KANK1: variants seen among roughly 807,000 people sequenced by gnomAD.
KANK1 encodes the protein KN motif and ankyrin repeat domain-containing protein 1.
In KANK1, 109 loss-of-function variants were observed where a neutral mutation model predicts 106.2. That is an observed-to-expected ratio of 1.03 (90% CI 0.88 to 1.20). The LOEUF (loss-of-function observed/expected upper bound fraction) is 1.20. KANK1 is among the 50% of genes most tolerant of loss of function. The pLI is 0.00. For synonymous variants in KANK1, 873 were observed against 652.2 expected (o/e 1.34, Z -5.16); for missense variants, 2,399 against 1,710.7 (o/e 1.40, Z -7.10).
At position 730,253 on chromosome 9, in the gene KANK1, CT is replaced by C. The variant is rs754421671; in HGVS notation, c.2896+9del. ...AGATCGCCGCTGGCCTCTATGGTAA[CT>C]TTTCTCACTCACAGTCATTGGCATC... On this transcript the variant is annotated splice_donor_region_variant and intron_variant, in intron 4 of 11. Coordinates refer to ENST00000382297, the MANE Select transcript of KANK1 (RefSeq NM_015158.5). 8 of 1,613,970 alleles carry C rather than the reference CT, an allele frequency of 5.0e-6. No individual in the cohort carries two copies. In the Admixed American group the frequency reaches 6.7e-5, roughly 13 times the overall value.
intron 1 of KANK1, among the ~76,000 whole-genome samples, chr9:663,398 G>T (rs887463308): frequency 3.9e-4 from 60 of 152,136 alleles, no homozygotes; most frequent in African/African-American, 1.4e-3. Flanking sequence ...GCCAGGGTCT[G>T]TTTTCCCTAA....
intron 3 of KANK1, among the ~76,000 whole-genome samples, chr9:481,835 C>A (rs937108914): frequency 3.4e-5 from 5 of 148,144 alleles, no homozygotes; most frequent in South Asian, 2.2e-4. Flanking sequence ...CAAAGCAAGA[C>A]CCTGTCTCTA....
intron 2 of KANK1, among the ~76,000 whole-genome samples, chr9:701,896 T>C (rs1822761364): frequency 6.6e-6 from 1 of 152,218 alleles, no homozygotes; most frequent in African/African-American, 2.4e-5. Flanking sequence ...GAAATGATTT[T>C]TGAAATATCC....
At chr9:665,154 G>C (rs561106931) in intron 1 of KANK1, among the ~76,000 whole-genome samples, 2 of 152,264 alleles carry the variant, frequency 1.3e-5, no homozygotes, top group African/African-American at 4.8e-5. Flanking sequence ...TTGCTGTGCA[G>C]AAGCTTTTCA....
At chr9:639,352 G>A (rs1837867825) in intron 1 of KANK1, among the ~76,000 whole-genome samples, 2 of 151,896 alleles carry the variant, frequency 1.3e-5, no homozygotes, top group African/African-American at 2.4e-5. Flanking sequence ...TTGAGACAGA[G>A]ACTCACTCTA....
chr9:488,714 C>A (rs968933800), intron 3 of KANK1, among the ~76,000 whole-genome samples: 3 of 152,134 alleles, frequency 2.0e-5, no homozygotes, highest in African/African-American at 4.8e-5. Flanking sequence ...ATGACTGTCA[C>A]TTTGATTTGG....
intron 1 of KANK1, among the ~76,000 whole-genome samples, chr9:594,888 C>T (rs1825839563): frequency 6.6e-6 from 1 of 151,750 alleles, no homozygotes; most frequent in South Asian, 2.1e-4. Context: ...TTGATTCAGC[C>T]ACTGTGTATT....
chr9:472,269 C>G (rs1338420404), intron 2 of KANK1, among the ~76,000 whole-genome samples: 1 of 152,240 alleles, frequency 6.6e-6, no homozygotes, highest in African/African-American at 2.4e-5. Context: ...GTCAATGTCA[C>G]CACTGAGAAG....
At chr9:504,910 C>T (rs559184269) in intron 1 of KANK1, among the ~76,000 whole-genome samples, 156 bp downstream of exon 1, 2 of 149,378 alleles carry the variant, frequency 1.3e-5, no homozygotes, top group East Asian at 2.0e-4. Flanking sequence ...GAGGGCAGCC[C>T]CCGCGGGCTC....
intron 1 of KANK1, among the ~76,000 whole-genome samples, chr9:597,101 C>T (rs904599523): frequency 6.6e-6 from 1 of 151,842 alleles, no homozygotes. Flanking sequence ...ACGGATATAT[C>T]ATAATTTGTT....
chr9:527,267 C>G (rs1033598373), intron 1 of KANK1, among the ~76,000 whole-genome samples: 1 of 151,236 alleles, frequency 6.6e-6, no homozygotes, highest in East Asian at 1.9e-4. Context: ...TTTGTGGTTT[C>G]TTTTGGTCTC....
intron 3 of KANK1, among the ~76,000 whole-genome samples, chr9:482,242 G>T (rs1410933362): frequency 6.6e-6 from 1 of 152,196 alleles, no homozygotes; most frequent in Non-Finnish European, 1.5e-5. Context: ...CCTTGATGCT[G>T]AATCACCCAA....
chr9:604,611 C>G (rs1395512344), intron 1 of KANK1, among the ~76,000 whole-genome samples: 1 of 151,748 alleles, frequency 6.6e-6, no homozygotes, highest in Non-Finnish European at 1.5e-5. Flanking sequence ...GCGGGCAGAT[C>G]ACTTGAGGTC....
At chr9:656,113 C>T (rs1357276693) in intron 1 of KANK1, among the ~76,000 whole-genome samples, 1 of 152,204 alleles carries the variant, frequency 6.6e-6, no homozygotes, top group Non-Finnish European at 1.5e-5. Flanking sequence ...AGCCAGTCTT[C>T]TTGGGACATG....
intron 3 of KANK1, among the ~76,000 whole-genome samples, chr9:473,561 A>G (rs1488086437): frequency 6.6e-6 from 1 of 152,218 alleles, no homozygotes; most frequent in Non-Finnish European, 1.5e-5. Context: ...TCTGATAGGT[A>G]TAATACTGAG....
chr9:684,929 G>A (rs1257067451), intron 2 of KANK1, among the ~76,000 whole-genome samples: 1 of 152,066 alleles, frequency 6.6e-6, no homozygotes, highest in Non-Finnish European at 1.5e-5. Flanking sequence ...ATTGCATTGG[G>A]TAGACTTCTC....
At chr9:744,819 G>C (rs866735375) in intron 11 of KANK1, 1 of 1,432,264 alleles carries the variant, frequency 7.0e-7, no homozygotes, top group South Asian at 1.5e-5. Context: ...TATGCTCACA[G>C]CTTCCCATAG....
chr9:556,873 G>A (rs1486145972), intron 1 of KANK1, among the ~76,000 whole-genome samples: 1 of 152,102 alleles, frequency 6.6e-6, no homozygotes. Context: ...TCCCAGTATG[G>A]TCTCAGTAAT....
At chr9:625,877 C>T (rs560408503) in intron 1 of KANK1, among the ~76,000 whole-genome samples, 42 of 152,238 alleles carry the variant, frequency 2.8e-4, no homozygotes, top group African/African-American at 5.8e-4. Context: ...GTTCATTTCC[C>T]GGTTTTAACC....
Sources: gnomAD v4.1 joint callset for allele counts (sites outside exome capture counted in the v4.1 genomes callset) on GRCh38, gnomAD v4.1.1 for gene constraint, MANE v1.5 for transcripts, NCBI Gene and HGNC (gene_info 2026-07-23, HGNC 2026-07-21) for gene names.